The following MIA3 variants were observed in gnomAD, a reference collection of about 807,000 sequenced individuals.
MIA3 encodes MIA SH3 domain ER export factor 3.
Under a neutral mutation model 192.4 loss-of-function variants are expected in MIA3, and 90 were observed. The observed-to-expected ratio is 0.47, with a 90% CI of 0.39 to 0.56. MIA3 has a LOEUF of 0.56. Among genes scored for constraint, MIA3 ranks in the 20% least tolerant of loss-of-function variants. MIA3 has a pLI of 0.00. For missense variants in MIA3, 2,123 were observed against 2,269.4 expected, an observed-to-expected ratio of 0.94 and a Z score of 1.31; for synonymous variants, 740 against 792.8, an observed-to-expected ratio of 0.93 and a Z score of 1.12.
At chr1:222,635,809 T>TC in intron 6 of MIA3, among the ~76,000 whole-genome samples, 1 of 152,130 alleles carries the variant, frequency 6.6e-6, no homozygotes, top group East Asian at 1.9e-4. Context: ...TCACAGCAAT[T>TC]CCCTGTACTC....
chr1:222,627,188 CACAG>C (rs1406462113), intron 3 of MIA3, among the ~76,000 whole-genome samples: 1 of 152,244 alleles, frequency 6.6e-6, no homozygotes, highest in East Asian at 1.9e-4. Context: ...CTTATCCAGT[CACAG>C]ACAGAGCTAT....
chr1:222,619,461 C>G (rs1226826907), intron 1 of MIA3, among the ~76,000 whole-genome samples: 3 of 152,194 alleles, frequency 2.0e-5, no homozygotes, highest in African/African-American at 7.2e-5. Flanking sequence ...ATCTCTACAA[C>G]ACTAATCAAG....
At chr1:222,621,968 G>A (rs1352679393) in intron 2 of MIA3, among the ~76,000 whole-genome samples, 1 of 152,004 alleles carries the variant, frequency 6.6e-6, no homozygotes, top group East Asian at 1.9e-4. Flanking sequence ...GCCACCACAC[G>A]GCTAATTTTT....
At chr1:222,654,821 T>G (rs765981447) in intron 18 of MIA3, 28 bp downstream of exon 18, 1 of 1,586,538 alleles carries the variant, frequency 6.3e-7, no homozygotes, top group South Asian at 1.1e-5. Context: ...TACTGTTAAC[T>G]GTATTGTCAT....
chr1:222,644,226 G>C (rs944641067), intron 6 of MIA3: 16 of 1,209,924 alleles, frequency 1.3e-5, no homozygotes, highest in Middle Eastern at 3.2e-4. Flanking sequence ...CTCGATAGTT[G>C]GTTCCGTCCG....
rs764919195 is a variant in MIA3, at chr1:222,654,490, T to C, written c.4468+11T>C. 2 of 1,605,770 alleles carry C rather than the reference T, an allele frequency of 1.2e-6. No individual in the cohort carries two copies. The highest frequency in any genetic ancestry group is 1.7e-6 in the Non-Finnish European group (2 of 1,173,588). ...AATGTAACCTGGAAGGTAGGTTGCT[T>C]CTTGAGAAGAAATTGCTATATATTG... On this transcript the variant is annotated intron_variant, in intron 17 of 27. Transcript: ENST00000344922.
Position 222,645,705 on chromosome 1 carries a change from C to CT in MIA3, c.3609+23dup. On this transcript the variant is annotated intron_variant, in intron 7 of 27. Transcript: ENST00000344922. Reference sequence around the variant, plus strand: ...CTTGTTGTGAGTAAATTAATGCATACTTTAACTCATAAATTCAAGTATGGT... The same window carrying CT: ...CTTGTTGTGAGTAAATTAATGCATACTTTTAACTCATAAATTCAAGTATGGT... 6.2e-7 allele frequency: 1 copy of CT among 1,602,642 alleles called. No homozygotes were observed. The highest frequency in any genetic ancestry group is 8.5e-7 in the Non-Finnish European group (1 of 1,173,692).
In MIA3 at chr1:222,628,204, G is replaced by A. The variant is rs756559128; in HGVS notation, c.984G>A (p.Leu328=). The change falls in exon 4 of 28, where the codon TTG becomes TTA. Residue 328 remains leucine, a synonymous_variant. Transcript: ENST00000344922. ...AGAACCAAGAAGACTTTGATGAGTTGCCATTACTTACCTTTACAGATGGGG... is the reference window on the plus strand; with the variant it reads ...AGAACCAAGAAGACTTTGATGAGTTACCATTACTTACCTTTACAGATGGGG... ...DEENQEDFDE[L]PLLTFTDGED... 6.2e-7 allele frequency: 1 copy of A among 1,614,092 alleles called. No individual in the cohort carries two copies. The highest frequency in any genetic ancestry group is 1.1e-5 in the South Asian group (1 of 91,086).
rs539180477 is a variant in MIA3 at position 222,618,614 on chromosome 1, G to T, written c.133+371G>T. On this transcript the variant is annotated intron_variant, in intron 1 of 27. Transcript: ENST00000344922. ...CCACCCCCCCAATCCGCCTGGGCTCGGAGGGTAGATGTGGTTGCGCGCCGC... is the reference window on the plus strand; with the variant it reads ...CCACCCCCCCAATCCGCCTGGGCTCTGAGGGTAGATGTGGTTGCGCGCCGC... Among the ~76,000 whole-genome samples, 20 of 151,950 alleles carry T rather than the reference G, an allele frequency of 1.3e-4. No homozygotes were observed. The South Asian group carries it at 4.2e-3, about 32-fold the overall frequency.
intron 9 of MIA3, 51 bp from the exon 10 acceptor site, chr1:222,650,583 G>A: frequency 7.9e-7 from 1 of 1,264,278 alleles, no homozygotes; most frequent in Non-Finnish European, 1.1e-6. Context: ...AATAAGTTCT[G>A]GTAGCACTAT....
Position 222,628,655 on chromosome 1 carries a change from G to A in MIA3, c.1435G>A (p.Val479Ile), listed in dbSNP as rs774859780. ...AGTTCAGGAATCCAAGAGGGGCCTG[G>A]TACAAGATAAGACAGAATTAGAGGA... is the stretch of plus-strand genomic sequence containing the variant. ...RGVQESKRGL[V>I]QDKTELEDEN... Residue 479 changes from valine to isoleucine, a missense_variant, in exon 4 of 28, where the codon GTA becomes ATA. Coordinates refer to ENST00000344922, the MANE Select transcript of MIA3 (RefSeq NM_198551.4). The A allele has an allele frequency of 7.4e-6, 12 of 1,613,982 alleles. No individual in the cohort carries two copies. Among genetic ancestry groups the A allele is most frequent in the Non-Finnish European group, 1.0e-5 (12 of 1,179,966 alleles).
chr1:222,628,179 A>G lies in MIA3; in HGVS notation c.959A>G (p.Glu320Gly), dbSNP rs1352320117. The change falls in exon 4 of 28, where the codon GAG becomes GGG. Residue 320 changes from glutamate to glycine, a missense_variant. Coordinates refer to ENST00000344922, the MANE Select transcript of MIA3 (RefSeq NM_198551.4). ...EYYAVGKEDE[E>G]NQEDFDELPL... ...TATGCAGTTGGAAAGGAAGATGAGG[A>G]GAACCAAGAAGACTTTGATGAGTTG... The G allele has an allele frequency of 6.2e-7, 1 of 1,613,938 alleles. No homozygotes were observed. The highest frequency in any genetic ancestry group is 8.5e-7 in the Non-Finnish European group (1 of 1,180,032).
intron 16 of MIA3, 29 bp downstream of exon 16, chr1:222,654,327 G>C (rs1663592669): frequency 6.2e-7 from 1 of 1,612,894 alleles, no homozygotes; most frequent in Non-Finnish European, 8.5e-7. Context: ...TCCCATAATT[G>C]CCTGTGAATA....
intron 6 of MIA3, among the ~76,000 whole-genome samples, chr1:222,641,240 GT>G (rs1193537407): frequency 4.6e-5 from 7 of 152,188 alleles, no homozygotes; most frequent in African/African-American, 1.7e-4. Context: ...ATTTACCCAA[GT>G]GAAAATAAAT....
intron 4 of MIA3, 119 bp downstream of exon 4, chr1:222,630,508 C>T (rs1471256424): frequency 1.0e-6 from 1 of 964,380 alleles, no homozygotes; most frequent in Non-Finnish European, 1.5e-6. Flanking sequence ...AGAGGGACAA[C>T]ACAGGGAGGT....
At chr1:222,625,926 A>G (rs958347519) in intron 3 of MIA3, among the ~76,000 whole-genome samples, 1 of 152,092 alleles carries the variant, frequency 6.6e-6, no homozygotes, top group African/African-American at 2.4e-5. Context: ...TTTAGTAGGA[A>G]CGAGGTTTCA....
At chr1:222,618,647 G>T (rs74145508) in intron 1 of MIA3, among the ~76,000 whole-genome samples, 19,848 of 152,020 alleles carry the variant, frequency 0.13, 1,782 homozygotes, top group African/African-American at 0.26. Context: ...CGCGCGTCTG[G>T]GCTCCCCACG....
At chr1:222,643,521 A>G (rs1314708852) in intron 6 of MIA3, among the ~76,000 whole-genome samples, 1 of 152,056 alleles carries the variant, frequency 6.6e-6, no homozygotes, top group African/African-American at 2.4e-5. Context: ...CAACTCGAAG[A>G]GAGACCTTTA....
intron 18 of MIA3, among the ~76,000 whole-genome samples, chr1:222,655,363 G>A (rs1042608478): frequency 6.6e-6 from 1 of 152,120 alleles, no homozygotes; most frequent in Non-Finnish European, 1.5e-5. Context: ...AATTTCGAGC[G>A]AGGTACCTTT....
Sources: allele counts gnomAD v4.1 joint callset (sites outside exome capture counted in the v4.1 genomes callset), GRCh38; gene constraint gnomAD v4.1.1; transcripts MANE v1.5; gene names NCBI Gene and HGNC (gene_info 2026-07-23, HGNC 2026-07-21).